Variants in COL11A1 observed in about 807,000 individuals in gnomAD.
COL11A1 encodes the protein collagen alpha-1(XI) chain.
COL11A1 carries 74 observed loss-of-function variants against 265.2 expected under a neutral mutation model. That is an observed-to-expected ratio of 0.28 (90% CI 0.23 to 0.34). The LOEUF (loss-of-function observed/expected upper bound fraction) is 0.34, where lower values mean the gene tolerates loss of function less well. Among genes scored for constraint, COL11A1 ranks in the 10% least tolerant of loss-of-function variants. COL11A1 has a pLI of 1.00. For synonymous variants in COL11A1, 816 were observed against 727.6 expected (o/e 1.12, Z -1.96); for missense variants, 2,165 against 2,263.6 (o/e 0.96, Z 0.88).
At chr1:103,064,116 G>A (rs1042898467) in intron 4 of COL11A1, among the ~76,000 whole-genome samples, 22 of 152,132 alleles carry the variant, frequency 1.4e-4, no homozygotes, top group African/African-American at 5.1e-4. Flanking sequence ...CCTTGCTGGC[G>A]GGAATCCAAA....
intron 4 of COL11A1, among the ~76,000 whole-genome samples, chr1:103,061,299 C>T (rs1031790835): frequency 2.0e-5 from 3 of 152,074 alleles, no homozygotes; most frequent in African/African-American, 7.2e-5. Context: ...TCCACTATTA[C>T]ATTTAAATGG....
intron 51 of COL11A1, 84 bp from the exon 52 acceptor site, chr1:102,914,489 A>C: frequency 7.7e-7 from 1 of 1,304,514 alleles, no homozygotes; most frequent in Non-Finnish European, 1.1e-6. Flanking sequence ...GAAGAGGTTA[A>C]AGTCATGACA....
chr1:103,031,313 C>A, intron 4 of COL11A1, 69 bp from the exon 5 acceptor site: 1 of 1,534,112 alleles, frequency 6.5e-7, no homozygotes, highest in Non-Finnish European at 8.8e-7. Flanking sequence ...ACACATATAC[C>A]AAAGCGAGAT....
intron 4 of COL11A1, among the ~76,000 whole-genome samples, chr1:103,059,928 G>C (rs559768855): frequency 1.3e-5 from 2 of 151,956 alleles, no homozygotes; most frequent in Non-Finnish European, 2.9e-5. Context: ...CAAGGAGAAA[G>C]AGAGAAAAGA....
chr1:102,899,111 A>C, intron 54 of COL11A1, 117 bp from the exon 55 acceptor site: 1 of 465,724 alleles, frequency 2.1e-6, no homozygotes, highest in Non-Finnish European at 3.6e-6. Context: ...GTAGTTTTCT[A>C]TCACTATTTG....
intron 62 of COL11A1, 143 bp downstream of exon 62, chr1:102,888,434 A>C: frequency 1.4e-6 from 1 of 731,956 alleles, no homozygotes; most frequent in Non-Finnish European, 2.4e-6. Context: ...TGTAGATTTG[A>C]TTACTTAAAT....
At chr1:102,904,071 C>T (rs1653578397) in intron 54 of COL11A1, among the ~76,000 whole-genome samples, 1 of 152,100 alleles carries the variant, frequency 6.6e-6, no homozygotes, top group Non-Finnish European at 1.5e-5. Flanking sequence ...CCATGTTGCC[C>T]AGGCTGATCT....
intron 47 of COL11A1, among the ~76,000 whole-genome samples, 176 bp from the exon 48 acceptor site, chr1:102,921,747 C>G (rs1020793215): frequency 6.6e-6 from 1 of 152,102 alleles, no homozygotes; most frequent in Non-Finnish European, 1.5e-5. Context: ...AGCAAATGAG[C>G]CTTTACACAT....
chr1:103,017,078 A>G (rs1666626315), intron 11 of COL11A1, among the ~76,000 whole-genome samples: 1 of 152,060 alleles, frequency 6.6e-6, no homozygotes, highest in South Asian at 2.1e-4. Context: ...TATCAAATTA[A>G]GTAAGCAGAG....
intron 4 of COL11A1, among the ~76,000 whole-genome samples, chr1:103,047,754 C>G (rs1301559099): frequency 6.6e-6 from 1 of 151,992 alleles, no homozygotes; most frequent in Non-Finnish European, 1.5e-5. Context: ...ATAGATAGCT[C>G]TTATTATTTT....
intron 29 of COL11A1, among the ~76,000 whole-genome samples, chr1:102,988,528 G>C (rs1397706959): frequency 6.6e-6 from 1 of 152,124 alleles, no homozygotes; most frequent in African/African-American, 2.4e-5. Flanking sequence ...GAGATTGAAA[G>C]GCATAAATTA....
rs1281039034 is a variant in COL11A1, at chr1:103,015,671, T to C, written c.1485A>G (p.Leu495=). The part of the protein sequence containing the change: ...LPGPPGTMLM[L]PFRYGGDGSK... ...TATAACATAAAAAAGAACATACCGGTAACATCAACATAGTACCAGGAGGAC... is the reference window on the plus strand; with the variant it reads ...TATAACATAAAAAAGAACATACCGGCAACATCAACATAGTACCAGGAGGAC... The change falls in exon 12 of 67, where the codon TTA becomes TTG. Residue 495 remains leucine, a synonymous_variant. Transcript: ENST00000370096. 1.2e-6 allele frequency: 2 copies of C among 1,602,886 alleles called. No homozygotes were observed. The highest frequency in any genetic ancestry group is 2.2e-5 in the East Asian group (1 of 44,554).
At chr1:102,926,361 C>G (rs1220354959) in intron 46 of COL11A1, among the ~76,000 whole-genome samples, 2 of 150,678 alleles carry the variant, frequency 1.3e-5, no homozygotes, top group Admixed American at 1.3e-4. Flanking sequence ...TGCACACTCT[C>G]TCTCACTCCA....
chr1:103,053,887 C>T (rs1339399975), intron 4 of COL11A1, among the ~76,000 whole-genome samples: 6 of 152,238 alleles, frequency 3.9e-5, no homozygotes, highest in East Asian at 1.9e-4. Context: ...TATTTCTTCA[C>T]GAAAACTATA....
Position 103,078,871 on chromosome 1 carries a change from C to T in COL11A1, c.275G>A (p.Gly92Asp). ...LSAPTKQLFP[G>D]GTFPEDFSIL... ...TGAAAAGTCTTCTGGGAAAGTTCCA[C>T]CTGAGAAGAAAAGGCCAAAGAGTTA... is the stretch of plus-strand genomic sequence containing the variant. Residue 92 changes from glycine to aspartate, a missense_variant and splice_region_variant, in exon 3 of 67, where the codon GGT becomes GAT. Coordinates refer to ENST00000370096, the MANE Select transcript of COL11A1 (RefSeq NM_001854.4). The T allele has an allele frequency of 6.2e-7, 1 of 1,601,722 alleles. No homozygotes were observed. Among genetic ancestry groups the T allele is most frequent in the Non-Finnish European group, 8.5e-7 (1 of 1,170,716 alleles).
At chr1:102,930,920 T>C (rs1657340738) in intron 46 of COL11A1, among the ~76,000 whole-genome samples, 1 of 151,584 alleles carries the variant, frequency 6.6e-6, no homozygotes, top group South Asian at 2.1e-4. Flanking sequence ...TTTGTATTTC[T>C]GTGGGATCGG....
chr1:102,878,001 A>G lies in COL11A1; in HGVS notation c.*18T>C. ...AAGGTATATTTTCTGTTGATTTGAT[A>G]TGTTCTTTGTCTTAATCTTAGCCAA... On this transcript the variant is annotated 3_prime_UTR_variant, in exon 67 of 67. Coordinates refer to ENST00000370096, the MANE Select transcript of COL11A1 (RefSeq NM_001854.4). 1 of 1,612,896 alleles carries G rather than the reference A, an allele frequency of 6.2e-7. No individual in the cohort carries two copies. The highest frequency in any genetic ancestry group is 1.1e-5 in the South Asian group (1 of 91,054).
intron 4 of COL11A1, among the ~76,000 whole-genome samples, chr1:103,062,913 T>C (rs1300049007): frequency 6.6e-6 from 1 of 151,976 alleles, no homozygotes; most frequent in Non-Finnish European, 1.5e-5. Context: ...ACAAGGTATA[T>C]AAAACATCAA....
In COL11A1 at chr1:102,946,908, A is replaced by C. The variant is rs757133106; in HGVS notation, c.3217T>G (p.Leu1073Val). ...GSAGTAGPIGLPGRPGPQGPP... is the reference protein window; with the variant it reads ...GSAGTAGPIGVPGRPGPQGPP... ...CCCTGAGGTCCCGGGCGCCCTGGTA[A>C]ACCAATTGGGCCAGCTGTACCTGCT... Residue 1073 changes from leucine to valine, a missense_variant, in exon 42 of 67, where the codon TTA (leucine) becomes GTA (valine). By Grantham distance (32) the Leu-to-Val change is conservative. Coordinates refer to ENST00000370096, the MANE Select transcript of COL11A1 (RefSeq NM_001854.4). The C allele has an allele frequency of 3.7e-6, 6 of 1,613,522 alleles. No homozygotes were observed. The highest frequency in any genetic ancestry group is 5.1e-6 in the Non-Finnish European group (6 of 1,179,838).
Sources: gnomAD v4.1 joint callset for allele counts (sites outside exome capture counted in the v4.1 genomes callset) on GRCh38, gnomAD v4.1.1 for gene constraint, MANE v1.5 for transcripts, NCBI Gene and HGNC (gene_info 2026-07-23, HGNC 2026-07-21) for gene names.